Variants in NLN observed in about 807,000 individuals in gnomAD.
NLN encodes the protein neurolysin, mitochondrial.
Under a neutral mutation model 79.9 loss-of-function variants are expected in NLN, and 64 were observed. The observed-to-expected ratio is 0.80, with a 90% CI of 0.65 to 0.99. The LOEUF (loss-of-function observed/expected upper bound fraction) is 0.99. Ranked by LOEUF, NLN falls within the 50% of genes least tolerant of loss-of-function variation. The pLI is 0.00. For synonymous variants in NLN, 267 were observed against 296.6 expected (o/e 0.90, Z 1.02); for missense variants, 835 against 858.7 (o/e 0.97, Z 0.34).
At chr5:65,756,092 C>T (rs997558395) in intron 1 of NLN, among the ~76,000 whole-genome samples, 2 of 152,136 alleles carry the variant, frequency 1.3e-5, no homozygotes, top group South Asian at 4.1e-4. Context: ...TGTACGTTTG[C>T]TGTTGTTTTC....
chr5:65,724,291 A>AT, intron 1 of NLN, among the ~76,000 whole-genome samples: 1 of 151,946 alleles, frequency 6.6e-6, no homozygotes, highest in Middle Eastern at 3.4e-3. Context: ...GTTAACCATT[A>AT]TTTTTTCTCT....
At chr5:65,734,440 T>G (rs1336298342) in intron 1 of NLN, among the ~76,000 whole-genome samples, 2 of 126,390 alleles carry the variant, frequency 1.6e-5, no homozygotes, top group Admixed American at 7.6e-5. Flanking sequence ...GGGACCTGTT[T>G]CCTAGACTCA....
intron 12 of NLN, among the ~76,000 whole-genome samples, chr5:65,820,722 T>TTTTG (rs10648097): frequency 0.39 from 59,631 of 151,062 alleles, 12,238 homozygotes; most frequent in Non-Finnish European, 0.45. Flanking sequence ...ACATGTTTTT[T>TTTTG]TTTGTTTGTT....
At chr5:65,760,393 C>T (rs1224946033) in intron 2 of NLN, among the ~76,000 whole-genome samples, 2 of 152,176 alleles carry the variant, frequency 1.3e-5, no homozygotes, top group Non-Finnish European at 2.9e-5. Context: ...TAGAGTTAGT[C>T]CCTATTCAGT....
chr5:65,818,158 T>C (rs944783140), intron 12 of NLN, among the ~76,000 whole-genome samples: 3 of 152,210 alleles, frequency 2.0e-5, no homozygotes, highest in Non-Finnish European at 4.4e-5. Flanking sequence ...TCATCTTCCT[T>C]TGGGCTCTTA....
At chr5:65,765,806 A>G (rs901168914) in intron 3 of NLN, among the ~76,000 whole-genome samples, 3 of 152,160 alleles carry the variant, frequency 2.0e-5, no homozygotes, top group Non-Finnish European at 2.9e-5. Flanking sequence ...GGCCTGCTCT[A>G]CTAAAATTAG....
intron 3 of NLN, among the ~76,000 whole-genome samples, chr5:65,776,132 G>A (rs1759674501): frequency 1.3e-5 from 2 of 152,054 alleles, no homozygotes; most frequent in Non-Finnish European, 2.9e-5. Context: ...ACATGCCTGT[G>A]ATCCTAGCTA....
intron 1 of NLN, among the ~76,000 whole-genome samples, chr5:65,749,821 A>G (rs1561185335): frequency 6.6e-6 from 1 of 152,192 alleles, no homozygotes; most frequent in African/African-American, 2.4e-5. Flanking sequence ...TGGAAAAACC[A>G]TTTTTATATT....
At chr5:65,810,667 C>G (rs958955768) in intron 11 of NLN, among the ~76,000 whole-genome samples, 4 of 152,092 alleles carry the variant, frequency 2.6e-5, no homozygotes, top group Non-Finnish European at 4.4e-5. Flanking sequence ...CTATAGTCAT[C>G]CTGTTATGCT....
chr5:65,731,141 G>A (rs1261930933), intron 1 of NLN, among the ~76,000 whole-genome samples: 7 of 152,196 alleles, frequency 4.6e-5, no homozygotes, highest in Non-Finnish European at 8.8e-5. Context: ...GGGCTATTTG[G>A]CCCTCTTTCC....
chr5:65,826,122 TC>T lies in NLN; in HGVS notation c.*3208del, dbSNP rs972916844. The T allele has an allele frequency of 6.6e-6, 1 of 152,118 alleles. No individual in the cohort carries two copies. Among genetic ancestry groups the T allele is most frequent in the African/African-American group, 2.4e-5 (1 of 41,420 alleles). 9.4% of individuals were successfully genotyped at this position (152,118 alleles called of 1,614,324 possible). Reference sequence around the variant, plus strand: ...TTTACTGACCACATCCCCAAAAGTGTCAGGTAGACATGTTACAAATAGCTCT... The same window carrying T: ...TTTACTGACCACATCCCCAAAAGTGTAGGTAGACATGTTACAAATAGCTCT... On this transcript the variant is annotated 3_prime_UTR_variant, in exon 13 of 13. Transcript: ENST00000380985.
intron 9 of NLN, among the ~76,000 whole-genome samples, chr5:65,802,245 A>T (rs1038354573): frequency 1.3e-5 from 2 of 152,198 alleles, no homozygotes; most frequent in Non-Finnish European, 2.9e-5. Flanking sequence ...GGGGTGCATG[A>T]GTGAGCAAGC....
chr5:65,809,891 C>G, intron 10 of NLN, 146 bp from the exon 11 acceptor site: 1 of 1,063,690 alleles, frequency 9.4e-7, no homozygotes, highest in Non-Finnish European at 1.4e-6. Context: ...AACCACATCT[C>G]CTTTTAAATC....
At chr5:65,797,725 G>A (rs1366164717) in intron 9 of NLN, among the ~76,000 whole-genome samples, 2 of 152,214 alleles carry the variant, frequency 1.3e-5, no homozygotes, top group East Asian at 1.9e-4. Context: ...CTATGCTTAT[G>A]TATAATTCAA....
At position 65,722,381 on chromosome 5, in the gene NLN, C is replaced by G; in HGVS notation, c.8C>G (p.Ala3Gly). Residue 3 changes from alanine to glycine, a missense_variant, in exon 1 of 13, where the codon GCC becomes GGC. Transcript: ENST00000380985. MI[A>G]RCLLAVRSLR... ...CAGCCTCTCAGCGCTCCCATGATCGCCCGGTGCCTTTTGGCTGTGCGAAGC... is the reference window on the plus strand; with the variant it reads ...CAGCCTCTCAGCGCTCCCATGATCGGCCGGTGCCTTTTGGCTGTGCGAAGC... The G allele has an allele frequency of 6.3e-7, 1 of 1,587,620 alleles. No homozygotes were observed. Among genetic ancestry groups the G allele is most frequent in the African/African-American group, 1.4e-5 (1 of 72,696 alleles).
At chr5:65,762,246 T>C (rs1759354616) in intron 2 of NLN, among the ~76,000 whole-genome samples, 1 of 152,234 alleles carries the variant, frequency 6.6e-6, no homozygotes, top group Non-Finnish European at 1.5e-5. Flanking sequence ...TTTTTATGTA[T>C]GTGTGCATTT....
Position 65,792,657 on chromosome 5 carries a change from T to G in NLN, c.1527+2T>G. 1.2e-6 allele frequency: 2 copies of G among 1,610,894 alleles called. No individual in the cohort carries two copies. Among genetic ancestry groups the G allele is most frequent in the Non-Finnish European group, 1.7e-6 (2 of 1,177,528 alleles). ...GTGATGCATCAGATTTGTGCACAGG[T>G]GAGTTTTTTTTTTCCCCCAGTAAAC... On this transcript the variant is annotated splice_donor_variant, in intron 9 of 12. Transcript: ENST00000380985. LOFTEE classifies it high-confidence loss of function.
intron 8 of NLN, 96 bp from the exon 9 acceptor site, chr5:65,792,358 G>A: frequency 1.3e-6 from 1 of 742,694 alleles, no homozygotes; most frequent in East Asian, 2.5e-5. Context: ...GGCATCTCTG[G>A]TAACAGATAT....
chr5:65,758,993 C>T (rs1759283004), intron 2 of NLN, among the ~76,000 whole-genome samples, 167 bp downstream of exon 2: 1 of 152,074 alleles, frequency 6.6e-6, no homozygotes, highest in African/African-American at 2.4e-5. Context: ...GACAAAGGTG[C>T]TATAAAATGT....
Sources: allele counts gnomAD v4.1 joint callset (sites outside exome capture counted in the v4.1 genomes callset), GRCh38; gene constraint gnomAD v4.1.1; transcripts MANE v1.5; gene names NCBI Gene and HGNC (gene_info 2026-07-23, HGNC 2026-07-21).